BRCA1: variants seen among roughly 807,000 people sequenced by gnomAD.
BRCA1 encodes the protein BRCA1 DNA repair associated.
Under a neutral mutation model 173.7 loss-of-function variants are expected in BRCA1, and 140 were observed. That is an observed-to-expected ratio of 0.81 (90% confidence interval 0.70 to 0.93). The LOEUF is 0.93. Among genes scored for constraint, BRCA1 ranks in the 40% least tolerant of loss-of-function variants. BRCA1 has a pLI of 0.00. For missense variants in BRCA1, 1,983 were observed against 2,172.5 expected (o/e 0.91, Z 1.73); for synonymous variants, 662 against 756.0 (o/e 0.88, Z 2.04).
At chr17:43,086,194 C>CT (rs2053226383) in intron 11 of BRCA1, among the ~76,000 whole-genome samples, 1 of 151,768 alleles carries the variant, frequency 6.6e-6, no homozygotes, top group Non-Finnish European at 1.5e-5. Context: ...CAGATGATCT[C>CT]TCACTACTTG....
In BRCA1 at chr17:43,100,683, AT is replaced by A. The variant is rs2054422726; in HGVS notation, c.442-804del. On this transcript the variant is annotated intron_variant, in intron 6 of 22. Transcript: ENST00000357654. ...ATATATATATATATATATATAATAT[AT>A]ATATATATATATATATATGTAATCC... 2.5e-4 allele frequency among the ~76,000 whole-genome samples: 18 copies of A among 72,268 alleles called. 2 individuals carry two copies. In the African/African-American group the frequency reaches 2.9e-3, roughly 12 times the overall value. 47.4% of individuals were successfully genotyped at this position (72,268 alleles called of 152,430 possible).
At chr17:43,140,499 G>A (rs1248867940) in intron 1 of BRCA1, among the ~76,000 whole-genome samples, 1 of 152,156 alleles carries the variant, frequency 6.6e-6, no homozygotes, top group East Asian at 1.9e-4. Flanking sequence ...TTAACCTGTG[G>A]AGTCTGGTGC....
rs397509252 is a variant in BRCA1, at chr17:43,057,047, T to C, written c.5277+5A>G. The C allele has an allele frequency of 6.2e-7, 1 of 1,613,888 alleles. No homozygotes were observed. Among genetic ancestry groups the C allele is most frequent in the East Asian group, 2.2e-5 (1 of 44,868 alleles). ...TTTTTGTCAACTTGAGGGAGGGAGCTTTACCTTTCTGTCCTGGGATTCTCT... is the reference window on the plus strand; with the variant it reads ...TTTTTGTCAACTTGAGGGAGGGAGCCTTACCTTTCTGTCCTGGGATTCTCT... On this transcript the variant is annotated splice_donor_5th_base_variant and intron_variant, in intron 19 of 22. Transcript: ENST00000357654.
chr17:43,124,158 G>T (rs2154578394), intron 1 of BRCA1, 43 bp from the exon 2 acceptor site: 3 of 1,168,572 alleles, frequency 2.6e-6, no homozygotes, highest in Non-Finnish European at 3.7e-6. Context: ...CTTTTTAAAA[G>T]GTTTATAAAA....
At chr17:43,079,159 A>T (rs2154102217) in intron 12 of BRCA1, 1 of 658,634 alleles carries the variant, frequency 1.5e-6, no homozygotes, top group East Asian at 2.7e-5. Context: ...GGGCAACAAA[A>T]GTGAAACTTC....
chr17:43,108,721 A>AG (rs2054902591), intron 3 of BRCA1, among the ~76,000 whole-genome samples: 1 of 150,208 alleles, frequency 6.7e-6, no homozygotes, highest in Non-Finnish European at 1.5e-5. Flanking sequence ...AAAAAAAAAA[A>AG]AAAAAAAAAA....
Position 43,092,785 on chromosome 17 carries a change from T to C in BRCA1, c.2746A>G (p.Asn916Asp), listed in dbSNP as rs398122666. ...KEENQGKNES[N>D]IKPVQTVNIT... is the part of the protein sequence containing the mutation. The stretch of plus-strand genomic sequence containing the variant: ...TTAACTGTCTGTACAGGCTTGATAT[T>C]AGACTCATTCTTTCCTTGATTTTCT... Residue 916 changes from asparagine to aspartate, a missense_variant, in exon 10 of 23, where the codon AAT (asparagine) becomes GAT (aspartate). Physicochemically the swap from Asn to Asp is conservative, Grantham distance 23. Transcript: ENST00000357654. The C allele has an allele frequency of 6.2e-7, 1 of 1,614,030 alleles. No individual in the cohort carries two copies. Among genetic ancestry groups the C allele is most frequent in the Non-Finnish European group, 8.5e-7 (1 of 1,179,954 alleles).
chr17:43,048,690 T>G (rs745710399), intron 21 of BRCA1, among the ~76,000 whole-genome samples: 1 of 150,302 alleles, frequency 6.7e-6, no homozygotes, highest in Non-Finnish European at 1.5e-5. Context: ...ACTTTTTGTT[T>G]TTTTTTTTTT....
intron 15 of BRCA1, among the ~76,000 whole-genome samples, chr17:43,068,895 A>G (rs1411689089): frequency 6.6e-6 from 1 of 152,240 alleles, no homozygotes; most frequent in African/African-American, 2.4e-5. Context: ...GCTATTATCT[A>G]TCAACCAAAT....
At chr17:43,049,895 G>T (rs1433012553) in intron 20 of BRCA1, among the ~76,000 whole-genome samples, 1 of 152,158 alleles carries the variant, frequency 6.6e-6, no homozygotes, top group Non-Finnish European at 1.5e-5. Flanking sequence ...GCTCCTGTCT[G>T]TCTGACTGAA....
At chr17:43,165,676 A>G (rs1480474038) in intron 1 of BRCA1, 2 of 151,988 alleles carry the variant, frequency 1.3e-5, no homozygotes. Context: ...GTTTCAGGAC[A>G]AGAATTTACC....
rs1344422504 is a variant in BRCA1, at chr17:43,092,523, A to G, written c.3008T>C (p.Phe1003Ser). 2 of 1,614,054 alleles carry G rather than the reference A, an allele frequency of 1.2e-6. No individual in the cohort carries two copies. The highest frequency in any genetic ancestry group is 1.7e-6 in the Non-Finnish European group (2 of 1,179,990). The change falls in exon 10 of 23, where the codon TTT (phenylalanine) becomes TCT (serine). Residue 1003 changes from phenylalanine (F) to serine (S), a missense_variant. Transcript: ENST00000357654. ...KCKKNLLEEN[F>S]EEHSMSPERE... ...TTCAGGTGACATTGAATGTTCCTCA[A>G]AGTTTTCCTCTAGCAGATTTTTCTT... is the stretch of plus-strand genomic sequence containing the variant.
chr17:43,058,377 AAAAC>A (rs1289108000), intron 18 of BRCA1, among the ~76,000 whole-genome samples: 3 of 150,826 alleles, frequency 2.0e-5, no homozygotes, highest in Non-Finnish European at 4.4e-5. Context: ...CTGCTAAAAA[AAAAC>A]ACACACACAC....
Position 43,057,147 on chromosome 17 carries a change from C to T in BRCA1, c.5194-12G>A, listed in dbSNP as rs80358079. 2 of 1,612,068 alleles carry T rather than the reference C, an allele frequency of 1.2e-6. No homozygotes were observed. The highest frequency in any genetic ancestry group is 1.7e-6 in the Non-Finnish European group (2 of 1,178,278). Reference sequence around the variant, plus strand: ...ACTTCAAAATCATGCTGAAAGAAACCAAACACAACCCATCAGGATAAGAGA... The same window carrying T: ...ACTTCAAAATCATGCTGAAAGAAACTAAACACAACCCATCAGGATAAGAGA... On this transcript the variant is annotated splice_polypyrimidine_tract_variant and intron_variant, in intron 18 of 22. Transcript: ENST00000357654.
chr17:43,139,426 G>A (rs994184141), intron 1 of BRCA1, among the ~76,000 whole-genome samples: 1 of 151,026 alleles, frequency 6.6e-6, no homozygotes, highest in Non-Finnish European at 1.5e-5. Flanking sequence ...GCACGATCTC[G>A]GCTCACTGCA....
chr17:43,113,498 C>T (rs2055131071), intron 3 of BRCA1, among the ~76,000 whole-genome samples: 1 of 152,072 alleles, frequency 6.6e-6, no homozygotes, highest in Admixed American at 6.6e-5. Flanking sequence ...TACCAAGTAG[C>T]TGGGACTACA....
Position 43,094,538 on chromosome 17 carries a change from C to T in BRCA1, c.993G>A (p.Arg331=), listed in dbSNP as rs80357140. The T allele has an allele frequency of 6.2e-7, 1 of 1,614,132 alleles. No homozygotes were observed. Among genetic ancestry groups the T allele is most frequent in the Non-Finnish European group, 8.5e-7 (1 of 1,180,026 alleles). ...WAGSKETCND[R]RTPSTEKKVD... ...CCTTTTTTTCTGTGCTGGGAGTCCG[C>T]CTATCATTACATGTTTCCTTACTTC... Residue 331 remains arginine (R), a synonymous_variant, in exon 10 of 23, where the codon AGG becomes AGA. Transcript: ENST00000357654.
At chr17:43,144,962 A>C (rs2056109080) in intron 1 of BRCA1, 1 of 614,350 alleles carries the variant, frequency 1.6e-6, no homozygotes, top group Non-Finnish European at 3.1e-6. Context: ...CAGGATGCCC[A>C]AGAAAAAGGT....
chr17:43,148,707 G>T, intron 1 of BRCA1: 1 of 159,014 alleles, frequency 6.3e-6, no homozygotes, highest in South Asian at 1.9e-4. Context: ...GGGTTATGAT[G>T]GCTTAGCTTG....
Sources: gnomAD v4.1 joint callset for allele counts (sites outside exome capture counted in the v4.1 genomes callset) on GRCh38, gnomAD v4.1.1 for gene constraint, MANE v1.5 for transcripts, NCBI Gene and HGNC (gene_info 2026-07-23, HGNC 2026-07-21) for gene names.